Variants in AUH observed in about 807,000 individuals in gnomAD.
The protein encoded by AUH is AU RNA binding methylglutaconyl-CoA hydratase.
Under a neutral mutation model 42.3 loss-of-function variants are expected in AUH, and 29 were observed. That is an observed-to-expected ratio of 0.69 (90% confidence interval 0.51 to 0.93). The LOEUF is 0.93. Ranked by LOEUF, AUH falls within the 40% of genes least tolerant of loss-of-function variation. AUH has a pLI of 0.00. For synonymous variants in AUH, 174 were observed against 166.4 expected (o/e 1.05, Z -0.35); for missense variants, 452 against 438.1 (o/e 1.03, Z -0.28).
chr9:91,248,892 G>A (rs1306506248), intron 6 of AUH, among the ~76,000 whole-genome samples: 2 of 152,194 alleles, frequency 1.3e-5, no homozygotes, highest in Non-Finnish European at 2.9e-5. Flanking sequence ...TAGCAGGCTA[G>A]CACAATGGCA....
intron 6 of AUH, among the ~76,000 whole-genome samples, 161 bp downstream of exon 6, chr9:91,295,860 G>C (rs1478317271): frequency 6.6e-6 from 1 of 152,146 alleles, no homozygotes; most frequent in Non-Finnish European, 1.5e-5. Context: ...AAATCTGTTA[G>C]GTATGCCTGT....
At chr9:91,301,545 T>C (rs1827784408) in intron 4 of AUH, among the ~76,000 whole-genome samples, 1 of 152,142 alleles carries the variant, frequency 6.6e-6, no homozygotes, top group African/African-American at 2.4e-5. Flanking sequence ...TCTTGATTTT[T>C]TAAGAAAGAA....
rs1055338543 is a variant in AUH, at chr9:91,312,285, T to A, written c.505+13033A>T. On this transcript the variant is annotated intron_variant, in intron 4 of 9. Coordinates refer to ENST00000375731, the MANE Select transcript of AUH (RefSeq NM_001698.3). The stretch of plus-strand genomic sequence containing the variant: ...AAATACATTTGCCTTTCAGATCCCA[T>A]CAATTCTCCAGTTGTAGAAAATGTG... Among the ~76,000 whole-genome samples, 6 of 152,308 alleles carry A rather than the reference T, an allele frequency of 3.9e-5. No individual in the cohort carries two copies. The East Asian group carries it at 9.7e-4, about 25-fold the overall frequency.
chr9:91,318,806 T>TA (rs1829354644), intron 4 of AUH, among the ~76,000 whole-genome samples: 1 of 152,214 alleles, frequency 6.6e-6, no homozygotes, highest in African/African-American at 2.4e-5. Flanking sequence ...TCCCTCTTCT[T>TA]AAACCCCTGC....
chr9:91,295,187 G>A (rs1416199605), intron 6 of AUH, among the ~76,000 whole-genome samples: 1 of 152,092 alleles, frequency 6.6e-6, no homozygotes, highest in African/African-American at 2.4e-5. Context: ...ATGACTGTGA[G>A]GACTCCCCAG....
chr9:91,233,794 C>T (rs975170717), intron 6 of AUH, among the ~76,000 whole-genome samples: 2 of 152,170 alleles, frequency 1.3e-5, no homozygotes, highest in African/African-American at 2.4e-5. Flanking sequence ...TATAAGGTTA[C>T]AATGGCCTTC....
At chr9:91,220,450 C>T (rs1827065772) in intron 7 of AUH, among the ~76,000 whole-genome samples, 3 of 152,208 alleles carry the variant, frequency 2.0e-5, no homozygotes, top group African/African-American at 7.2e-5. Flanking sequence ...AGTGTGACAG[C>T]CAGCCCTATC....
At chr9:91,330,360 A>C (rs1421306815) in intron 3 of AUH, among the ~76,000 whole-genome samples, 2 of 152,238 alleles carry the variant, frequency 1.3e-5, no homozygotes, top group African/African-American at 4.8e-5. Flanking sequence ...AGAATAGTTC[A>C]TACTAAAAGA....
At chr9:91,265,540 C>T (rs1462149409) in intron 6 of AUH, among the ~76,000 whole-genome samples, 1 of 152,154 alleles carries the variant, frequency 6.6e-6, no homozygotes, top group African/African-American at 2.4e-5. Context: ...GGGAACTGTT[C>T]TCCTCCACTC....
At chr9:91,293,187 T>C (rs1250625170) in intron 6 of AUH, among the ~76,000 whole-genome samples, 1 of 152,142 alleles carries the variant, frequency 6.6e-6, no homozygotes, top group African/African-American at 2.4e-5. Context: ...ATTAGGCCAA[T>C]GAATAACCTT....
intron 4 of AUH, among the ~76,000 whole-genome samples, chr9:91,319,170 C>G (rs983887931): frequency 1.3e-5 from 2 of 152,144 alleles, no homozygotes; most frequent in South Asian, 2.1e-4. Context: ...TGTGTTGACC[C>G]TAGGCACTGC....
chr9:91,298,721 C>T (rs978173367), intron 4 of AUH, among the ~76,000 whole-genome samples: 3 of 152,204 alleles, frequency 2.0e-5, no homozygotes, highest in Non-Finnish European at 4.4e-5. Flanking sequence ...AAAAGCTCAA[C>T]TTGCTTGAAT....
chr9:91,279,302 T>C (rs904740385), intron 6 of AUH, among the ~76,000 whole-genome samples: 5 of 152,182 alleles, frequency 3.3e-5, no homozygotes, highest in Non-Finnish European at 5.9e-5. Context: ...ATCTTTATTG[T>C]ACAAAAGAAA....
intron 4 of AUH, among the ~76,000 whole-genome samples, chr9:91,322,271 A>G (rs1422703495): frequency 1.3e-5 from 2 of 152,256 alleles, no homozygotes; most frequent in African/African-American, 4.8e-5. Context: ...TGGAACAAAC[A>G]TCAAGGTAAT....
At chr9:91,246,331 AG>A (rs1171858394) in intron 6 of AUH, among the ~76,000 whole-genome samples, 3 of 152,222 alleles carry the variant, frequency 2.0e-5, no homozygotes, top group Non-Finnish European at 4.4e-5. Context: ...TGGACAAGAC[AG>A]GCCAGCCTCC....
At chr9:91,233,366 C>T (rs1283084882) in intron 6 of AUH, among the ~76,000 whole-genome samples, 1 of 152,110 alleles carries the variant, frequency 6.6e-6, no homozygotes, top group African/African-American at 2.4e-5. Flanking sequence ...CAAGGAGGTC[C>T]AGTGTGGCTG....
intron 3 of AUH, among the ~76,000 whole-genome samples, chr9:91,354,177 A>C (rs1230307125): frequency 6.6e-6 from 1 of 152,164 alleles, no homozygotes; most frequent in East Asian, 1.9e-4. Flanking sequence ...TCAAAAAAAA[A>C]AACAAGAAAG....
rs1323269391 is a variant in AUH at position 91,361,795 on chromosome 9, G to C, written c.95C>G (p.Pro32Arg). The change falls in exon 1 of 10, where the codon CCG becomes CGG. Residue 32 changes from proline to arginine, a missense_variant. By Grantham distance (103) the Pro-to-Arg change is moderately radical. Transcript: ENST00000375731. Reference protein sequence around the residue: ...LVAACSAWLCPGLRLPGSLAG... With the variant: ...LVAACSAWLCRGLRLPGSLAG... ...CAACGAGCCGGGCAGCCTCAACCCC[G>C]GGCAGAGCCACGCACTGCAAGCGGC... The C allele has an allele frequency of 6.5e-7, 1 of 1,538,640 alleles. No individual in the cohort carries two copies. The highest frequency in any genetic ancestry group is 8.7e-7 in the Non-Finnish European group (1 of 1,144,800).
intron 4 of AUH, among the ~76,000 whole-genome samples, chr9:91,308,650 T>TAAA (rs1282682871): frequency 1.3e-5 from 2 of 152,184 alleles, no homozygotes; most frequent in Non-Finnish European, 2.9e-5. Flanking sequence ...TCTAATAAGC[T>TAAA]ACATTACATA....
Sources: gnomAD v4.1 joint callset for allele counts (sites outside exome capture counted in the v4.1 genomes callset) on GRCh38, gnomAD v4.1.1 for gene constraint, MANE v1.5 for transcripts, NCBI Gene and HGNC (gene_info 2026-07-23, HGNC 2026-07-21) for gene names.